PPARGC1B: variants seen among roughly 807,000 people sequenced by gnomAD.
PPARGC1B encodes the protein PPARG coactivator 1 beta.
Under a neutral mutation model 101.6 loss-of-function variants are expected in PPARGC1B, and 34 were observed. The observed-to-expected ratio is 0.33, with a 90% CI of 0.25 to 0.45. The LOEUF (loss-of-function observed/expected upper bound fraction) is 0.45. Ranked by LOEUF, PPARGC1B falls within the 20% of genes least tolerant of loss-of-function variation. The pLI, the probability that PPARGC1B is intolerant of heterozygous loss-of-function variation, is 1.00. For synonymous variants in PPARGC1B, 548 were observed against 539.3 expected (o/e 1.02, Z -0.22); for missense variants, 1,234 against 1,317.6 (o/e 0.94, Z 0.98).
intron 1 of PPARGC1B, among the ~76,000 whole-genome samples, chr5:149,750,456 ATATATATATAT>A (rs1561851658): frequency 2.1e-3 from 9 of 4,368 alleles, no homozygotes; most frequent in South Asian, 0.026. Context: ...TAGTTAAAAT[ATATATATATAT>A]ATATATATAT....
intron 1 of PPARGC1B, among the ~76,000 whole-genome samples, chr5:149,816,169 A>C (rs1481201323): frequency 6.6e-6 from 1 of 152,226 alleles, no homozygotes; most frequent in Non-Finnish European, 1.5e-5. Context: ...GTGGCGCTTA[A>C]TGGTTTTTAG....
At chr5:149,812,779 C>T (rs985520178) in intron 1 of PPARGC1B, among the ~76,000 whole-genome samples, 2 of 152,210 alleles carry the variant, frequency 1.3e-5, no homozygotes, top group Non-Finnish European at 2.9e-5. Flanking sequence ...TGCCATGACC[C>T]ACCCAATCCA....
At position 149,837,147 on chromosome 5, in the gene PPARGC1B, G is replaced by C; in HGVS notation, c.2618+74G>C. The C allele has an allele frequency of 1.3e-6, 2 of 1,523,154 alleles. No homozygotes were observed. Among genetic ancestry groups the C allele is most frequent in the Non-Finnish European group, 1.8e-6 (2 of 1,137,544 alleles). The allele number at this position is 1,523,154 out of a possible 1,614,324, so 94.4% of individuals were successfully genotyped here. On this transcript the variant is annotated intron_variant, in intron 8 of 11. Coordinates refer to ENST00000309241, the MANE Select transcript of PPARGC1B (RefSeq NM_133263.4). The surrounding 1 kb of genome is among the most constrained non-coding windows in gnomAD (Gnocchi z 4.2). ...GTTCCCGGGGAGCCAGGAGCCCCAG[G>C]AGGGAGGATCCCTGGGAAGCTTGCT...
intron 1 of PPARGC1B, among the ~76,000 whole-genome samples, chr5:149,746,525 C>T (rs185512641): frequency 4.6e-5 from 7 of 152,332 alleles, no homozygotes. Context: ...GTTGCTTTCA[C>T]ATTTTAGCTA....
chr5:149,809,936 G>T (rs542747637), intron 1 of PPARGC1B, among the ~76,000 whole-genome samples: 1 of 152,140 alleles, frequency 6.6e-6, no homozygotes, highest in South Asian at 2.1e-4. Context: ...GAGCCGCTAT[G>T]GGAGATGAAG....
chr5:149,853,916 C>G lies in PPARGC1B; in HGVS notation c.*6358C>G, dbSNP rs1399526236. On this transcript the variant is annotated 3_prime_UTR_variant, in exon 12 of 12. Coordinates refer to ENST00000309241, the MANE Select transcript of PPARGC1B (RefSeq NM_133263.4). The surrounding 1 kb of genome is among the most constrained non-coding windows in gnomAD (Gnocchi z 4.2). ...TCTGCTCTGGAATTCACACCCACCC[C>G]CTCGCCTCCTTGTGCCATGTTGTTA... The G allele has an allele frequency of 6.6e-6, 1 of 152,144 alleles. No homozygotes were observed. Among genetic ancestry groups the G allele is most frequent in the Non-Finnish European group, 1.5e-5 (1 of 68,032 alleles). The allele number at this position is 152,144 out of a possible 1,614,324, so 9.4% of individuals were successfully genotyped here.
Position 149,836,909 on chromosome 5 carries a change from G to GGAC in PPARGC1B, c.2457_2459dup (p.Asp820dup). ...AGGAAGAAGGGGAGGAGGAGGAGGAGGACGATGAAGAAGAGGACTCAGGGG... is the reference window on the plus strand; with the variant it reads ...AGGAAGAAGGGGAGGAGGAGGAGGAGGACGACGATGAAGAAGAGGACTCAGGGG... On this transcript the variant is annotated inframe_insertion, in exon 8 of 12. Coordinates refer to ENST00000309241, the MANE Select transcript of PPARGC1B (RefSeq NM_133263.4). 1.2e-6 allele frequency: 2 copies of GGAC among 1,613,466 alleles called. No individual in the cohort carries two copies. The highest frequency in any genetic ancestry group is 1.7e-6 in the Non-Finnish European group (2 of 1,179,968).
rs891514684 is a variant in PPARGC1B at position 149,738,715 on chromosome 5, G to C, written c.78+8295G>C. ...GGGTTCAAGCGATTCTTCTGCCTCA[G>C]CCTCCCAAGTAGCTGAGACTACAGG... is the stretch of plus-strand genomic sequence containing the variant. On this transcript the variant is annotated intron_variant, in intron 1 of 11. Transcript: ENST00000309241. Among the ~76,000 whole-genome samples, 67 of 152,102 alleles carry C rather than the reference G, an allele frequency of 4.4e-4. 2 individuals carry two copies. Among genetic ancestry groups the C allele is most frequent in the Non-Finnish European group, 8.8e-5 (6 of 68,008 alleles).
intron 8 of PPARGC1B, among the ~76,000 whole-genome samples, chr5:149,839,737 T>C (rs1196431614): frequency 1.3e-5 from 2 of 152,206 alleles, no homozygotes; most frequent in African/African-American, 2.4e-5. Context: ...AGGGCTTTTC[T>C]ACCCCTAATG....
chr5:149,811,833 C>T, intron 1 of PPARGC1B, among the ~76,000 whole-genome samples: 1 of 152,216 alleles, frequency 6.6e-6, no homozygotes, highest in Non-Finnish European at 1.5e-5. Context: ...GGGATCCTGG[C>T]TTTCTCCATC....
At chr5:149,818,986 T>C in intron 1 of PPARGC1B, 1 of 416,634 alleles carries the variant, frequency 2.4e-6, no homozygotes. Context: ...TCTGTTTCTG[T>C]GTCAGCCCCC....
intron 3 of PPARGC1B, among the ~76,000 whole-genome samples, chr5:149,828,794 C>T (rs905966069): frequency 2.0e-5 from 3 of 152,182 alleles, no homozygotes; most frequent in Admixed American, 1.3e-4. Flanking sequence ...TACCTGTAAT[C>T]CCAACACTTT....
Position 149,837,203 on chromosome 5 carries a change from C to G in PPARGC1B, c.2618+130C>G. The stretch of plus-strand genomic sequence containing the variant: ...ACTGAGGCTGCATCTCCCAGTGTGG[C>G]CCATGTCTTGGTCAGGAGCCTTGAA... On this transcript the variant is annotated intron_variant, in intron 8 of 11. Coordinates refer to ENST00000309241, the MANE Select transcript of PPARGC1B (RefSeq NM_133263.4). The surrounding 1 kb of genome is among the most constrained non-coding windows in gnomAD (Gnocchi z 4.2). 4 of 1,399,270 alleles carry G rather than the reference C, an allele frequency of 2.9e-6. No individual in the cohort carries two copies. Among genetic ancestry groups the G allele is most frequent in the Non-Finnish European group, 3.8e-6 (4 of 1,053,436 alleles). 86.7% of individuals were successfully genotyped at this position (1,399,270 alleles called of 1,614,324 possible). A position where few individuals can be genotyped will look rare whatever the true frequency, so the allele number is the denominator to read the frequency against.
intron 1 of PPARGC1B, among the ~76,000 whole-genome samples, chr5:149,734,321 C>CAAAAAA (rs1221455764): frequency 1.6e-5 from 1 of 64,510 alleles, no homozygotes; most frequent in African/African-American, 6.4e-5. Flanking sequence ...AACTCATTCT[C>CAAAAAA]AAAAAAAAAA....
intron 1 of PPARGC1B, among the ~76,000 whole-genome samples, chr5:149,761,017 C>T (rs948980048): frequency 3.3e-5 from 5 of 152,170 alleles, no homozygotes; most frequent in East Asian, 1.9e-4. Flanking sequence ...GGCAGGCATC[C>T]GGCCCCTTCC....
At chr5:149,783,062 G>A (rs1756649479) in intron 1 of PPARGC1B, among the ~76,000 whole-genome samples, 1 of 150,630 alleles carries the variant, frequency 6.6e-6, no homozygotes, top group Non-Finnish European at 1.5e-5. Flanking sequence ...CTGGGTCCTG[G>A]TATTGATGTC....
chr5:149,765,153 G>A (rs554270046), intron 1 of PPARGC1B, among the ~76,000 whole-genome samples: 1 of 152,238 alleles, frequency 6.6e-6, no homozygotes, highest in Admixed American at 6.5e-5. Flanking sequence ...TAGGAGAGGC[G>A]TCCTCCTGCC....
intron 1 of PPARGC1B, among the ~76,000 whole-genome samples, chr5:149,789,891 T>C (rs917566670): frequency 1.3e-5 from 2 of 152,198 alleles, no homozygotes; most frequent in Non-Finnish European, 2.9e-5. Context: ...CTGTGGTCTG[T>C]ATGTCAGTCT....
At chr5:149,791,205 C>T (rs1277645033) in intron 1 of PPARGC1B, among the ~76,000 whole-genome samples, 9 of 82,762 alleles carry the variant, frequency 1.1e-4, no homozygotes, top group Non-Finnish European at 1.6e-4. Context: ...TTGTCTGGGG[C>T]GGGGGGCGGG....
Sources: allele counts gnomAD v4.1 joint callset (sites outside exome capture counted in the v4.1 genomes callset), GRCh38; gene constraint gnomAD v4.1.1; non-coding constraint Gnocchi (gnomAD v3.1); transcripts MANE v1.5; gene names NCBI Gene and HGNC (gene_info 2026-07-23, HGNC 2026-07-21).